TBC1D32: variants seen among roughly 807,000 people sequenced by gnomAD.
TBC1D32 encodes the protein TBC1 domain family member 32.
TBC1D32 carries 151 observed loss-of-function variants against 170.3 expected under a neutral mutation model. The ratio of observed to expected loss-of-function variants is 0.89; its 90% confidence interval spans 0.78 to 1.01. The LOEUF is 1.01. Among genes scored for constraint, TBC1D32 ranks in the 50% least tolerant of loss-of-function variants. The pLI is 0.00. For synonymous variants in TBC1D32, 498 were observed against 488.0 expected, an observed-to-expected ratio of 1.02 and a Z score of -0.27; for missense variants, 1,464 against 1,457.1, an observed-to-expected ratio of 1.00 and a Z score of -0.08.
chr6:121,274,027 TAAAACAAAAC>T (rs1210865395), intron 15 of TBC1D32, among the ~76,000 whole-genome samples: 24 of 151,830 alleles, frequency 1.6e-4, no homozygotes, highest in Non-Finnish European at 2.4e-4. Flanking sequence ...TCTGTTAAAT[TAAAACAAAAC>T]AAAACAAAAC....
At chr6:121,140,248 T>C (rs1256342249) in intron 24 of TBC1D32, among the ~76,000 whole-genome samples, 1 of 151,882 alleles carries the variant, frequency 6.6e-6, no homozygotes, top group Non-Finnish European at 1.5e-5. Context: ...TAACTAGAAT[T>C]CGCTTCTGTT....
intron 22 of TBC1D32, among the ~76,000 whole-genome samples, chr6:121,176,115 C>A (rs567698879): frequency 2.0e-5 from 3 of 152,086 alleles, no homozygotes; most frequent in African/African-American, 7.2e-5. Context: ...AATTAAACAA[C>A]AAAGTAATGG....
chr6:121,268,305 A>C lies in TBC1D32; in HGVS notation c.1733+10816T>G, dbSNP rs148477066. On this transcript the variant is annotated intron_variant, in intron 15 of 31. Transcript: ENST00000398212. ...AGGCTTCAGATGATCGGTAATAACA[A>C]ACTGCTCCAAGCTAAAGGAGGATGT... is the stretch of plus-strand genomic sequence containing the variant. Among the ~76,000 whole-genome samples the C allele has an allele frequency of 2.2e-3, 337 of 152,282 alleles. 1 individual carries two copies. The highest frequency in any genetic ancestry group is 7.6e-3 in the African/African-American group (317 of 41,554).
chr6:121,183,173 G>A lies in TBC1D32; in HGVS notation c.2570+21902C>T, dbSNP rs750893930. ...ACAGTCTTACAGTAGGCATTATGAAGTTACTTTTATCAAGATTTAGAGAAG... is the reference window on the plus strand; with the variant it reads ...ACAGTCTTACAGTAGGCATTATGAAATTACTTTTATCAAGATTTAGAGAAG... On this transcript the variant is annotated intron_variant, in intron 22 of 31. Transcript: ENST00000398212. Among the ~76,000 whole-genome samples the A allele has an allele frequency of 7.2e-5, 11 of 151,994 alleles. 1 individual carries two copies. The highest frequency in any genetic ancestry group is 1.3e-4 in the Admixed American group (2 of 15,214).
At chr6:121,213,695 T>C (rs575442408) in intron 21 of TBC1D32, among the ~76,000 whole-genome samples, 4 of 152,238 alleles carry the variant, frequency 2.6e-5, no homozygotes, top group African/African-American at 9.6e-5. Context: ...ATAGAATCAA[T>C]ATCATTACGA....
intron 22 of TBC1D32, among the ~76,000 whole-genome samples, chr6:121,161,434 T>C (rs999196316): frequency 1.3e-5 from 2 of 151,798 alleles, no homozygotes; most frequent in Non-Finnish European, 2.9e-5. Context: ...CTCCCACTTA[T>C]AAGTGAGAAC....
chr6:121,277,964 A>G (rs1802461745), intron 15 of TBC1D32, among the ~76,000 whole-genome samples: 1 of 152,072 alleles, frequency 6.6e-6, no homozygotes, highest in East Asian at 1.9e-4. Context: ...TTAACAGGAT[A>G]AGGAAATATT....
chr6:121,320,809 A>G (rs1274225955), intron 2 of TBC1D32, among the ~76,000 whole-genome samples: 1 of 152,234 alleles, frequency 6.6e-6, no homozygotes, highest in Non-Finnish European at 1.5e-5. Flanking sequence ...ATACTTTAAA[A>G]TACAGTCATT....
At chr6:121,148,481 A>T (rs1210423759) in intron 24 of TBC1D32, among the ~76,000 whole-genome samples, 1 of 151,734 alleles carries the variant, frequency 6.6e-6, no homozygotes, top group Non-Finnish European at 1.5e-5. Context: ...AATCACTTAA[A>T]ATCCTCTGGG....
intron 20 of TBC1D32, among the ~76,000 whole-genome samples, chr6:121,224,037 A>G (rs1234920204): frequency 6.6e-6 from 1 of 152,118 alleles, no homozygotes. Flanking sequence ...ACTCCTTAGC[A>G]TGGCTTTCAA....
At chr6:121,106,244 C>T (rs1331824979) in intron 29 of TBC1D32, 81 bp from the exon 30 acceptor site, 2 of 889,304 alleles carry the variant, frequency 2.2e-6, no homozygotes, top group Non-Finnish European at 1.5e-6. Context: ...TCCAACATAC[C>T]TATTTTCCTT....
chr6:121,230,986 T>C (rs1336728257), intron 20 of TBC1D32, among the ~76,000 whole-genome samples: 1 of 152,094 alleles, frequency 6.6e-6, no homozygotes, highest in Non-Finnish European at 1.5e-5. Flanking sequence ...ATCATTCTTA[T>C]GCCTTGGTGT....
At chr6:121,161,709 G>T (rs1057406523) in intron 22 of TBC1D32, among the ~76,000 whole-genome samples, 1 of 152,158 alleles carries the variant, frequency 6.6e-6, no homozygotes, top group Non-Finnish European at 1.5e-5. Flanking sequence ...CCAGTAATGG[G>T]ATTGCTGGGT....
rs566555029 is a variant in TBC1D32, at chr6:121,297,812, T to G, written c.1140+1634A>C. 3.3e-5 allele frequency among the ~76,000 whole-genome samples: 5 copies of G among 152,244 alleles called. No individual in the cohort carries two copies. In the East Asian group the frequency reaches 9.6e-4, roughly 29 times the overall value. On this transcript the variant is annotated intron_variant, in intron 10 of 31. Coordinates refer to ENST00000398212, the MANE Select transcript of TBC1D32 (RefSeq NM_152730.6). The stretch of plus-strand genomic sequence containing the variant: ...AGTTTCTCATTTACTCTAGTCTCAT[T>G]TCAAGTTTTCAGCAGTCATATGTGG...
At chr6:121,288,356 C>A (rs1248572214) in intron 12 of TBC1D32, among the ~76,000 whole-genome samples, 1 of 152,170 alleles carries the variant, frequency 6.6e-6, no homozygotes, top group Non-Finnish European at 1.5e-5. Flanking sequence ...AAACTACCAT[C>A]AGAGAATACT....
At chr6:121,137,470 G>C (rs1428199331) in intron 24 of TBC1D32, among the ~76,000 whole-genome samples, 1 of 127,744 alleles carries the variant, frequency 7.8e-6, no homozygotes, top group African/African-American at 2.9e-5. Context: ...ATGAAAAATT[G>C]GAAGAAGGTA....
intron 30 of TBC1D32, among the ~76,000 whole-genome samples, chr6:121,092,760 T>C (rs750993998): frequency 8.5e-5 from 13 of 152,126 alleles, no homozygotes; most frequent in South Asian, 2.1e-4. Context: ...ACTTGTGATA[T>C]TGGATTACGG....
intron 22 of TBC1D32, among the ~76,000 whole-genome samples, chr6:121,201,745 TTC>T (rs1277488296): frequency 6.6e-6 from 1 of 151,208 alleles, no homozygotes; most frequent in African/African-American, 2.5e-5. Context: ...CTGCATATCT[TTC>T]TGTCTGTATA....
chr6:121,331,253 G>A (rs188080695), intron 1 of TBC1D32, among the ~76,000 whole-genome samples: 11 of 152,226 alleles, frequency 7.2e-5, no homozygotes, highest in African/African-American at 2.6e-4. Flanking sequence ...CTGTCACCCA[G>A]GCTGGAGTGC....
Sources: gnomAD v4.1 joint callset for allele counts (sites outside exome capture counted in the v4.1 genomes callset) on GRCh38, gnomAD v4.1.1 for gene constraint, MANE v1.5 for transcripts, NCBI Gene and HGNC (gene_info 2026-07-23, HGNC 2026-07-21) for gene names.